Variants in MDGA2 observed in about 807,000 individuals in gnomAD.
MDGA2 encodes the protein MAM domain containing glycosylphosphatidylinositol anchor 2.
A neutral mutation model predicts 117.8 loss-of-function variants in MDGA2; 40 were observed. The observed-to-expected ratio is 0.34, with a 90% CI of 0.26 to 0.44. MDGA2 has a LOEUF of 0.44. Ranked by LOEUF, MDGA2 falls within the 20% of genes least tolerant of loss-of-function variation. The probability of loss-of-function intolerance (pLI) is 1.00; values close to 1 mark genes in which losing one functional copy is unlikely to be tolerated. For synonymous variants in MDGA2, 452 were observed against 439.0 expected, an observed-to-expected ratio of 1.03 and a Z score of -0.37; for missense variants, 1,123 against 1,250.6, an observed-to-expected ratio of 0.90 and a Z score of 1.54.
At chr14:47,525,626 G>A (rs998738129) in intron 1 of MDGA2, among the ~76,000 whole-genome samples, 5 of 151,910 alleles carry the variant, frequency 3.3e-5, no homozygotes, top group Non-Finnish European at 5.9e-5. Context: ...CAGAGGTTGC[G>A]GTGAACCGAG....
At chr14:47,423,704 T>C (rs1024408441) in intron 1 of MDGA2, among the ~76,000 whole-genome samples, 1 of 152,190 alleles carries the variant, frequency 6.6e-6, no homozygotes, top group African/African-American at 2.4e-5. Context: ...ATATATTATT[T>C]CCTACTGAAT....
chr14:47,248,970 C>T (rs1309673163), intron 2 of MDGA2, among the ~76,000 whole-genome samples: 2 of 114,820 alleles, frequency 1.7e-5, no homozygotes, highest in Non-Finnish European at 3.7e-5. Flanking sequence ...TTTCTTCCTT[C>T]CTTCTCTCTC....
chr14:47,081,926 CTT>C (rs1890723562), intron 6 of MDGA2, among the ~76,000 whole-genome samples: 1 of 151,984 alleles, frequency 6.6e-6, no homozygotes, highest in Non-Finnish European at 1.5e-5. Context: ...AGATTAAAGT[CTT>C]TTCATATTTT....
At position 47,318,045 on chromosome 14, in the gene MDGA2, C is replaced by A. The variant is rs1361652013; in HGVS notation, c.281-16495G>T. 2.0e-5 allele frequency among the ~76,000 whole-genome samples: 3 copies of A among 152,020 alleles called. No homozygotes were observed. The East Asian group carries it at 5.8e-4, about 29-fold the overall frequency. ...TAAGAACTTGCCCTTTTAATCTGTC[C>A]ATTTCCTCCATCTTTGCCATTCTCA... On this transcript the variant is annotated intron_variant, in intron 1 of 16. Transcript: ENST00000399232.
At chr14:47,493,886 G>A (rs1221423540) in intron 1 of MDGA2, among the ~76,000 whole-genome samples, 1 of 152,086 alleles carries the variant, frequency 6.6e-6, no homozygotes, top group Admixed American at 6.6e-5. Context: ...ATTGCTGTGT[G>A]GTATGGTTTG....
chr14:47,271,457 C>T (rs1489222886), intron 2 of MDGA2, among the ~76,000 whole-genome samples: 4 of 152,066 alleles, frequency 2.6e-5, no homozygotes, highest in Non-Finnish European at 4.4e-5. Flanking sequence ...CAGGTTCTTT[C>T]GCAAATATTC....
intron 1 of MDGA2, among the ~76,000 whole-genome samples, chr14:47,584,552 A>G (rs1340216593): frequency 6.6e-6 from 1 of 151,886 alleles, no homozygotes; most frequent in Non-Finnish European, 1.5e-5. Context: ...TCTCATACGC[A>G]TCCTTTCCAT....
At chr14:47,508,900 A>C (rs1380824502) in intron 1 of MDGA2, among the ~76,000 whole-genome samples, 1 of 152,024 alleles carries the variant, frequency 6.6e-6, no homozygotes, top group Non-Finnish European at 1.5e-5. Context: ...CCGTGTTAGC[A>C]AGGATGGTCT....
In MDGA2 at chr14:47,100,413, C is replaced by T. The variant is rs564029681; in HGVS notation, c.926-3290G>A. Among the ~76,000 whole-genome samples the T allele has an allele frequency of 9.2e-5, 14 of 152,134 alleles. No individual in the cohort carries two copies. In the South Asian group the frequency reaches 1.7e-3, roughly 18 times the overall value. ...TTTACTAAATCATGTACATGTTTAG[C>T]ATACGTCTACAGCATGTGTTAATTG... On this transcript the variant is annotated intron_variant, in intron 5 of 16. Coordinates refer to ENST00000399232, the MANE Select transcript of MDGA2 (RefSeq NM_001113498.3).
At chr14:46,910,348 T>C (rs1270440256) in intron 10 of MDGA2, among the ~76,000 whole-genome samples, 4 of 152,232 alleles carry the variant, frequency 2.6e-5, no homozygotes, top group Non-Finnish European at 5.9e-5. Context: ...CAGCTTTTAC[T>C]TTGTGCTTGT....
At chr14:47,358,490 C>G (rs1188938453) in intron 1 of MDGA2, among the ~76,000 whole-genome samples, 1 of 152,088 alleles carries the variant, frequency 6.6e-6, no homozygotes, top group African/African-American at 2.4e-5. Flanking sequence ...TAAAAAGAAA[C>G]AAAGGGTATT....
chr14:46,875,483 G>A (rs1882188928), intron 12 of MDGA2, among the ~76,000 whole-genome samples: 1 of 151,406 alleles, frequency 6.6e-6, no homozygotes, highest in South Asian at 2.1e-4. Context: ...ACATATTTAA[G>A]GGAGTCTAAA....
chr14:47,127,299 G>A (rs966222980), intron 5 of MDGA2, among the ~76,000 whole-genome samples: 99 of 152,018 alleles, frequency 6.5e-4, no homozygotes, highest in African/African-American at 2.3e-3. Flanking sequence ...TATTAAAAGA[G>A]CAATGAAATA....
intron 8 of MDGA2, among the ~76,000 whole-genome samples, chr14:47,016,521 C>T (rs1283265104): frequency 6.6e-6 from 1 of 151,880 alleles, no homozygotes; most frequent in Admixed American, 6.6e-5. Context: ...CAAATATACA[C>T]TTAAAAAATA....
intron 1 of MDGA2, among the ~76,000 whole-genome samples, chr14:47,641,396 G>A (rs933108870): frequency 6.6e-6 from 1 of 152,024 alleles, no homozygotes; most frequent in South Asian, 2.1e-4. Context: ...TGTCTCTAGA[G>A]ACATCTCACC....
chr14:47,288,172 G>A (rs775086546), intron 2 of MDGA2, among the ~76,000 whole-genome samples: 2 of 152,206 alleles, frequency 1.3e-5, no homozygotes, highest in Admixed American at 6.5e-5. Flanking sequence ...TTTGGAATTT[G>A]AGAACCATTT....
intron 8 of MDGA2, among the ~76,000 whole-genome samples, chr14:46,974,203 C>G (rs542364004): frequency 6.6e-6 from 1 of 152,186 alleles, no homozygotes; most frequent in African/African-American, 2.4e-5. Flanking sequence ...ATGGAAACTA[C>G]AGAACATTTC....
intron 3 of MDGA2, among the ~76,000 whole-genome samples, chr14:47,182,110 G>T (rs1479084736): frequency 1.3e-5 from 2 of 151,966 alleles, no homozygotes; most frequent in East Asian, 3.9e-4. Context: ...GTGGGAGAAG[G>T]CACCCTTAAT....
rs1271975721 is a variant in MDGA2, at chr14:47,471,432, G to A, written c.281-169882C>T. Among the ~76,000 whole-genome samples, 8 of 152,018 alleles carry A rather than the reference G, an allele frequency of 5.3e-5. No individual in the cohort carries two copies. The East Asian group carries it at 9.6e-4, about 18-fold the overall frequency. On this transcript the variant is annotated intron_variant, in intron 1 of 16. Coordinates refer to ENST00000399232, the MANE Select transcript of MDGA2 (RefSeq NM_001113498.3). ...GTTTTAAAATCAAGTAAATCAAAAC[G>A]TGGAAGAAAAATCATTATATGAACC...
Sources: allele counts gnomAD v4.1 joint callset (sites outside exome capture counted in the v4.1 genomes callset), GRCh38; gene constraint gnomAD v4.1.1; transcripts MANE v1.5; gene names NCBI Gene and HGNC (gene_info 2026-07-23, HGNC 2026-07-21).